The following PACS1 variants were observed in gnomAD, a reference collection of about 807,000 sequenced individuals.
The protein encoded by PACS1 is PACS-1.
In PACS1, 24 loss-of-function variants were observed where a neutral mutation model predicts 115.0. That is an observed-to-expected ratio of 0.21 (90% CI 0.15 to 0.29). PACS1 has a LOEUF of 0.29. Ranked by LOEUF, PACS1 falls within the 10% of genes least tolerant of loss-of-function variation. The pLI is 1.00. For missense variants in PACS1, 838 were observed against 1,251.2 expected, an observed-to-expected ratio of 0.67 and a Z score of 4.98; for synonymous variants, 453 against 504.5, an observed-to-expected ratio of 0.90 and a Z score of 1.37.
At chr11:66,117,900 A>C (rs975408388) in intron 1 of PACS1, among the ~76,000 whole-genome samples, 5 of 152,216 alleles carry the variant, frequency 3.3e-5, no homozygotes, top group Non-Finnish European at 7.3e-5. Flanking sequence ...TTATGTGATA[A>C]TGATGCGGTA....
At chr11:66,179,359 A>T (rs188417555) in intron 1 of PACS1, among the ~76,000 whole-genome samples, 1 of 152,332 alleles carries the variant, frequency 6.6e-6, no homozygotes, top group Admixed American at 6.5e-5. Flanking sequence ...TTATTTAAGC[A>T]GTAATTTAAA....
Position 66,243,489 on chromosome 11 carries a change from C to T in PACS1, c.*209C>T, listed in dbSNP as rs1855858560. On this transcript the variant is annotated 3_prime_UTR_variant, in exon 24 of 24. Coordinates refer to ENST00000320580, the MANE Select transcript of PACS1 (RefSeq NM_018026.4). ...CCCCTGCACAGCCCCTCCTCCTTCCCGCTTTTCCCCTTCTCCCTCCTGCTC... is the reference window on the plus strand; with the variant it reads ...CCCCTGCACAGCCCCTCCTCCTTCCTGCTTTTCCCCTTCTCCCTCCTGCTC... 8.6e-6 allele frequency: 5 copies of T among 581,624 alleles called. No individual in the cohort carries two copies. The highest frequency in any genetic ancestry group is 3.0e-5 in the Admixed American group (1 of 33,308). 36.0% of individuals were successfully genotyped at this position (581,624 alleles called of 1,614,324 possible).
At chr11:66,225,067 G>A (rs1855445080) in intron 10 of PACS1, among the ~76,000 whole-genome samples, 1 of 152,206 alleles carries the variant, frequency 6.6e-6, no homozygotes, top group Admixed American at 6.5e-5. Context: ...CAGTGCGTCA[G>A]GGCAGCCACA....
chr11:66,092,737 A>C (rs1857689758), intron 1 of PACS1, among the ~76,000 whole-genome samples: 1 of 152,182 alleles, frequency 6.6e-6, no homozygotes, highest in Non-Finnish European at 1.5e-5. Context: ...AGCTTTCTAC[A>C]TATGGCTAGC....
At chr11:66,199,053 C>G (rs925832935) in intron 2 of PACS1, among the ~76,000 whole-genome samples, 2 of 152,138 alleles carry the variant, frequency 1.3e-5, no homozygotes, top group East Asian at 3.9e-4. Context: ...TGGTGGCTCA[C>G]GCCTATAATC....
chr11:66,101,599 G>A (rs1260918839), intron 1 of PACS1, among the ~76,000 whole-genome samples: 3 of 152,234 alleles, frequency 2.0e-5, no homozygotes, highest in African/African-American at 7.2e-5. Context: ...AAGAGGAGGA[G>A]TGCTAGGTAT....
intron 2 of PACS1, among the ~76,000 whole-genome samples, chr11:66,209,290 C>G (rs1855017167): frequency 6.6e-6 from 1 of 151,418 alleles, no homozygotes; most frequent in African/African-American, 2.4e-5. Context: ...GGGAGGATCA[C>G]TTGAAGTCAG....
intron 2 of PACS1, among the ~76,000 whole-genome samples, chr11:66,195,471 A>G (rs1387581626): frequency 6.6e-6 from 1 of 152,212 alleles, no homozygotes; most frequent in Non-Finnish European, 1.5e-5. Flanking sequence ...CCTTTGCTAA[A>G]GAATGTTGCT....
chr11:66,219,507 G>T (rs1332125127), intron 7 of PACS1: 3 of 654,280 alleles, frequency 4.6e-6, no homozygotes, highest in Non-Finnish European at 8.5e-6. Flanking sequence ...GCACAGGGGG[G>T]TGGAGGACCT....
intron 1 of PACS1, among the ~76,000 whole-genome samples, chr11:66,192,086 C>T (rs1854538074): frequency 6.6e-6 from 1 of 151,888 alleles, no homozygotes; most frequent in Admixed American, 6.6e-5. Flanking sequence ...GTTCTGTTGA[C>T]CTGGATTTGT....
chr11:66,153,187 C>T (rs1297362465), intron 1 of PACS1, among the ~76,000 whole-genome samples: 3 of 152,000 alleles, frequency 2.0e-5, no homozygotes, highest in Non-Finnish European at 4.4e-5. Context: ...TGGCTATTCA[C>T]AAGGACAATT....
intron 1 of PACS1, among the ~76,000 whole-genome samples, chr11:66,173,172 A>G (rs1040202900): frequency 4.0e-5 from 6 of 151,328 alleles, no homozygotes; most frequent in Admixed American, 1.3e-4. Flanking sequence ...GGCTCAAGCA[A>G]TCCTCCCACT....
intron 1 of PACS1, among the ~76,000 whole-genome samples, chr11:66,071,706 C>T (rs922150679): frequency 6.6e-6 from 1 of 152,144 alleles, no homozygotes; most frequent in African/African-American, 2.4e-5. Context: ...AGAGAAGTGC[C>T]TGGAGGTGTT....
chr11:66,076,909 G>A (rs932697862), intron 1 of PACS1, among the ~76,000 whole-genome samples: 8 of 152,216 alleles, frequency 5.3e-5, no homozygotes, highest in African/African-American at 1.9e-4. Flanking sequence ...TCAGAGTTTG[G>A]AGTTGGACTT....
intron 4 of PACS1, among the ~76,000 whole-genome samples, chr11:66,212,641 G>A (rs1287398094): frequency 6.6e-6 from 1 of 151,880 alleles, no homozygotes; most frequent in Non-Finnish European, 1.5e-5. Flanking sequence ...TAAGCATTTT[G>A]TACTTACTGG....
intron 22 of PACS1, among the ~76,000 whole-genome samples, chr11:66,242,121 T>C (rs1265629608): frequency 2.0e-5 from 3 of 152,200 alleles, no homozygotes; most frequent in Admixed American, 2.0e-4. Flanking sequence ...CCATTCTGGA[T>C]AGCAGGGGTA....
intron 21 of PACS1, among the ~76,000 whole-genome samples, chr11:66,239,772 C>G (rs947700850): frequency 2.0e-5 from 3 of 152,248 alleles, no homozygotes; most frequent in African/African-American, 7.2e-5. Flanking sequence ...TCTGTCTTGT[C>G]TCTGCACTGC....
intron 1 of PACS1, among the ~76,000 whole-genome samples, chr11:66,168,242 A>G (rs182473095): frequency 1.3e-5 from 2 of 150,446 alleles, no homozygotes; most frequent in Admixed American, 1.3e-4. Context: ...TCTGTGGAAA[A>G]TCCTGTTGGA....
intron 10 of PACS1, among the ~76,000 whole-genome samples, chr11:66,223,945 C>A (rs181820328): frequency 6.6e-6 from 1 of 152,292 alleles, no homozygotes; most frequent in Admixed American, 6.5e-5. Context: ...AACCTGTAAT[C>A]CCAGCACTTT....
Sources: gnomAD v4.1 joint callset for allele counts (sites outside exome capture counted in the v4.1 genomes callset) on GRCh38, gnomAD v4.1.1 for gene constraint, MANE v1.5 for transcripts, NCBI Gene and HGNC (gene_info 2026-07-23, HGNC 2026-07-21) for gene names.